NXPE2: variants seen among roughly 807,000 people sequenced by gnomAD.
NXPE2 encodes neurexophilin and PC-esterase domain family member 2, also known as NXPE family member 2.
Under a neutral mutation model 34.4 loss-of-function variants are expected in NXPE2, and 34 were observed. The ratio of observed to expected loss-of-function variants is 0.99; its 90% CI spans 0.75 to 1.31. The LOEUF is 1.31. NXPE2 is among the 40% of genes most tolerant of loss of function. The pLI, the probability that NXPE2 is intolerant of heterozygous loss-of-function variation, is 0.00. For synonymous variants in NXPE2, 235 were observed against 231.3 expected, an observed-to-expected ratio of 1.02 and a Z score of -0.15; for missense variants, 649 against 672.5, an observed-to-expected ratio of 0.97 and a Z score of 0.39.
chr11:114,495,387 C>T, the NXPE2 span, among the ~76,000 whole-genome samples: 4 of 151,940 alleles, frequency 2.6e-5, no homozygotes, highest in East Asian at 7.8e-4. Flanking sequence ...GTGCTCTGTT[C>T]TACTGTGGCT....
chr11:114,545,192 A>G, the NXPE2 span, among the ~76,000 whole-genome samples: 1 of 152,240 alleles, frequency 6.6e-6, no homozygotes, highest in Admixed American at 6.5e-5. Context: ...TTACCATTCA[A>G]TATAGCAGTT....
the NXPE2 span, among the ~76,000 whole-genome samples, chr11:114,467,323 A>C: frequency 6.6e-6 from 1 of 152,226 alleles, no homozygotes; most frequent in Admixed American, 6.5e-5. Context: ...TTGTTTTTCT[A>C]GTAAAATCCA....
the NXPE2 span, among the ~76,000 whole-genome samples, chr11:114,761,820 C>T: frequency 1.3e-5 from 2 of 151,392 alleles, no homozygotes; most frequent in African/African-American, 2.4e-5. Context: ...ATGATCCACC[C>T]GCCTCGGCCT....
chr11:114,502,549 T>C, the NXPE2 span, among the ~76,000 whole-genome samples: 1 of 152,238 alleles, frequency 6.6e-6, no homozygotes, highest in South Asian at 2.1e-4. Flanking sequence ...TGTTATTTGC[T>C]ATTTTAATGA....
the NXPE2 span, among the ~76,000 whole-genome samples, chr11:114,609,942 G>C: frequency 2.0e-5 from 3 of 151,574 alleles, no homozygotes; most frequent in Non-Finnish European, 2.9e-5. Flanking sequence ...GTGTTGCCTC[G>C]TGGGTAACCA....
At chr11:114,546,008 C>A in the NXPE2 span, among the ~76,000 whole-genome samples, 1 of 151,560 alleles carries the variant, frequency 6.6e-6, no homozygotes, top group Non-Finnish European at 1.5e-5. Flanking sequence ...TTAATGTATG[C>A]AAAATAAAAA....
chr11:114,750,781 G>A, the NXPE2 span, among the ~76,000 whole-genome samples: 1 of 152,164 alleles, frequency 6.6e-6, no homozygotes, highest in Non-Finnish European at 1.5e-5. Flanking sequence ...GATATTAGTT[G>A]TCTTGCCAAT....
the NXPE2 span, among the ~76,000 whole-genome samples, chr11:114,589,379 C>T: frequency 6.6e-6 from 1 of 152,094 alleles, no homozygotes; most frequent in East Asian, 1.9e-4. Flanking sequence ...CAGAGCCAGC[C>T]TCTTTTCTCC....
At chr11:114,727,709 C>T in the NXPE2 span, among the ~76,000 whole-genome samples, 1 of 151,132 alleles carries the variant, frequency 6.6e-6, no homozygotes, top group African/African-American at 2.4e-5. Flanking sequence ...AAATTATTTA[C>T]TGGCTTACTA....
At chr11:114,495,807 G>C in the NXPE2 span, among the ~76,000 whole-genome samples, 1 of 152,134 alleles carries the variant, frequency 6.6e-6, no homozygotes, top group African/African-American at 2.4e-5. Flanking sequence ...GAAATGTCTG[G>C]GAGCTGGGAT....
At chr11:114,787,864 T>C in the NXPE2 span, among the ~76,000 whole-genome samples, 1 of 152,266 alleles carries the variant, frequency 6.6e-6, no homozygotes, top group East Asian at 1.9e-4. Flanking sequence ...TACTGAATAT[T>C]GTTCATTGGT....
At chr11:114,788,531 G>A in the NXPE2 span, among the ~76,000 whole-genome samples, 1 of 152,166 alleles carries the variant, frequency 6.6e-6, no homozygotes, top group Non-Finnish European at 1.5e-5. Context: ...TTAGAGGCAT[G>A]GGTTTCTTCC....
chr11:114,687,409 C>T (rs965224693), intron 2 of NXPE2, among the ~76,000 whole-genome samples: 2 of 151,692 alleles, frequency 1.3e-5, no homozygotes, highest in African/African-American at 4.8e-5. Flanking sequence ...CTATATTGAA[C>T]ATTAGTTGGT....
At chr11:114,480,299 A>G in the NXPE2 span, among the ~76,000 whole-genome samples, 2 of 152,212 alleles carry the variant, frequency 1.3e-5, no homozygotes, top group Admixed American at 6.5e-5. Flanking sequence ...ACAGCTAGGA[A>G]GATGGAAGGA....
chr11:114,626,763 A>G, the NXPE2 span, among the ~76,000 whole-genome samples: 2 of 152,172 alleles, frequency 1.3e-5, no homozygotes, highest in Admixed American at 1.3e-4. Context: ...AGAAGTTGAA[A>G]ACTTTGAAAA....
At chr11:114,567,777 C>A in the NXPE2 span, among the ~76,000 whole-genome samples, 454 of 151,826 alleles carry the variant, frequency 3.0e-3, 3 homozygotes, top group African/African-American at 0.011. Flanking sequence ...CTCACCTTGT[C>A]AGTTTCTTTT....
At chr11:114,601,883 AT>A in the NXPE2 span, among the ~76,000 whole-genome samples, 48,571 of 59,490 alleles carry the variant, frequency 0.82, 18,865 homozygotes, top group African/African-American at 0.91. Flanking sequence ...ATTATATATA[AT>A]TATATATTAT....
the NXPE2 span, among the ~76,000 whole-genome samples, chr11:114,640,799 A>C: frequency 6.6e-6 from 1 of 151,914 alleles, no homozygotes; most frequent in Non-Finnish European, 1.5e-5. Context: ...TTATAATAGA[A>C]CTATTTATTT....
At chr11:114,658,543 C>T in the NXPE2 span, among the ~76,000 whole-genome samples, 1 of 152,116 alleles carries the variant, frequency 6.6e-6, no homozygotes, top group East Asian at 1.9e-4. Context: ...CATAAAGCTC[C>T]CTCATGCCCT....
Sources: gnomAD v4.1 joint callset for allele counts (sites outside exome capture counted in the v4.1 genomes callset) on GRCh38, gnomAD v4.1.1 for gene constraint, MANE v1.5 for transcripts, NCBI Gene and HGNC (gene_info 2026-07-23, HGNC 2026-07-21) for gene names.